IL1RAPL2: variants seen among roughly 807,000 people sequenced by gnomAD.
IL1RAPL2 encodes X-linked interleukin-1 receptor accessory protein-like 2.
Under a neutral mutation model 44.1 loss-of-function variants are expected in IL1RAPL2, and 3 were observed. The ratio of observed to expected loss-of-function variants is 0.07; its 90% CI spans 0.03 to 0.18. IL1RAPL2 has a LOEUF of 0.18. Among genes scored for constraint, IL1RAPL2 ranks in the 10% least tolerant of loss-of-function variants. IL1RAPL2 has a pLI of 1.00. For synonymous variants in IL1RAPL2, 181 were observed against 178.8 expected (o/e 1.01, Z -0.10); for missense variants, 391 against 496.4 (o/e 0.79, Z 2.02).
At chrX:105,219,265 G>A (rs781973121) in intron 3 of IL1RAPL2, 9 of 1,208,769 alleles carry the variant, frequency 7.4e-6, no homozygotes, top group South Asian at 3.5e-5. Context: ...GTCTGAGAAG[G>A]AGGAAAAAGG....
chrX:105,293,116 C>A (rs867015165), intron 5 of IL1RAPL2, among the ~76,000 whole-genome samples: 15 of 50,822 alleles, frequency 3.0e-4, no homozygotes, highest in African/African-American at 5.2e-4. Flanking sequence ...CGACTCTGTC[C>A]AAAAAAAAAA....
chrX:105,613,299 G>A (rs915660513), intron 6 of IL1RAPL2, among the ~76,000 whole-genome samples: 4 of 112,011 alleles, frequency 3.6e-5, no homozygotes, highest in African/African-American at 1.3e-4. Flanking sequence ...CTAAAAAGCC[G>A]TTAGGCCCTG....
chrX:104,634,291 G>A lies in IL1RAPL2; in HGVS notation c.-19-24604G>A, dbSNP rs189307547. 1.5e-3 allele frequency among the ~76,000 whole-genome samples: 169 copies of A among 111,617 alleles called. 1 individual carries two copies. Among genetic ancestry groups the A allele is most frequent in the Non-Finnish European group, 2.6e-3 (138 of 53,142 alleles). On this transcript the variant is annotated intron_variant, in intron 1 of 10. Transcript: ENST00000372582. Reference sequence around the variant, plus strand: ...GTGTGGTCCATTTTGGAATAAGTGCGGTGTGGTGCTGAAAAGAATGTATAT... The same window carrying A: ...GTGTGGTCCATTTTGGAATAAGTGCAGTGTGGTGCTGAAAAGAATGTATAT...
intron 5 of IL1RAPL2, among the ~76,000 whole-genome samples, chrX:105,448,956 T>C (rs1057039958): frequency 9.0e-6 from 1 of 111,695 alleles, no homozygotes; most frequent in Non-Finnish European, 1.9e-5. Context: ...CTTATCTGTG[T>C]TATATTTAAT....
chrX:105,005,537 G>A (rs1222903986), intron 2 of IL1RAPL2, among the ~76,000 whole-genome samples: 3 of 110,958 alleles, frequency 2.7e-5, no homozygotes, highest in Admixed American at 1.9e-4. Flanking sequence ...ATTGCATTAA[G>A]GATTAGGCAC....
At chrX:105,198,623 T>C (rs1226546810) in intron 3 of IL1RAPL2, among the ~76,000 whole-genome samples, 4 of 112,064 alleles carry the variant, frequency 3.6e-5, no homozygotes, top group African/African-American at 1.3e-4. Context: ...ATTTCTTCAG[T>C]TTTTCCTTAA....
chrX:105,576,186 T>C (rs1386332754), intron 6 of IL1RAPL2, among the ~76,000 whole-genome samples: 3 of 111,672 alleles, frequency 2.7e-5, no homozygotes, highest in African/African-American at 9.8e-5. Flanking sequence ...CAGTTTTTGC[T>C]TTTGTTGCAA....
intron 2 of IL1RAPL2, among the ~76,000 whole-genome samples, chrX:104,938,760 T>C (rs1054387576): frequency 6.3e-5 from 7 of 110,671 alleles, no homozygotes; most frequent in African/African-American, 2.3e-4. Context: ...ATTGGAGGCA[T>C]GGGAGCTGTT....
Position 104,941,033 on chromosome X carries a change from T to C in IL1RAPL2, c.83-254442T>C, listed in dbSNP as rs1206512035. ...CATGTCCCTACAAAGGACATGAACT[T>C]ATCCTTTTTTATGGCTGCATAGTAA... On this transcript the variant is annotated intron_variant, in intron 2 of 10. Coordinates refer to ENST00000372582, the MANE Select transcript of IL1RAPL2 (RefSeq NM_017416.2). 6.4e-5 allele frequency among the ~76,000 whole-genome samples: 7 copies of C among 110,014 alleles called. No individual in the cohort carries two copies. The Admixed American group carries it at 6.8e-4, about 11-fold the overall frequency.
chrX:105,595,160 A>C (rs1010204600), intron 6 of IL1RAPL2, among the ~76,000 whole-genome samples: 8 of 112,024 alleles, frequency 7.1e-5, no homozygotes, highest in Non-Finnish European at 1.3e-4. Context: ...GATCACTGAA[A>C]ACTTCAAATT....
At chrX:105,449,228 A>G (rs2035999446) in intron 5 of IL1RAPL2, among the ~76,000 whole-genome samples, 1 of 111,175 alleles carries the variant, frequency 9.0e-6, no homozygotes, top group African/African-American at 3.3e-5. Flanking sequence ...CTGGGCCCCA[A>G]GCTCAATGGC....
intron 1 of IL1RAPL2, among the ~76,000 whole-genome samples, chrX:104,587,702 A>G (rs1489120041): frequency 8.9e-6 from 1 of 112,342 alleles, no homozygotes; most frequent in African/African-American, 3.2e-5. Context: ...TTCTTTTTCA[A>G]TCATAGTAAT....
At chrX:104,863,973 G>T (rs1922553409) in intron 2 of IL1RAPL2, among the ~76,000 whole-genome samples, 1 of 111,823 alleles carries the variant, frequency 8.9e-6, no homozygotes, top group South Asian at 3.8e-4. Context: ...AATATTGAAA[G>T]CCATTGTTCA....
chrX:104,632,643 T>A (rs1929678393), intron 1 of IL1RAPL2, among the ~76,000 whole-genome samples: 1 of 107,461 alleles, frequency 9.3e-6, no homozygotes, highest in South Asian at 4.3e-4. Context: ...GCTCTCTGTT[T>A]GTCTGTTATT....
intron 2 of IL1RAPL2, among the ~76,000 whole-genome samples, chrX:104,879,365 TAAAA>T (rs753494292): frequency 6.4e-5 from 2 of 31,055 alleles, no homozygotes; most frequent in African/African-American, 3.7e-4. Flanking sequence ...GCAAAACTAG[TAAAA>T]AAAAAAAAAA....
At chrX:104,848,862 T>C (rs914514487) in intron 2 of IL1RAPL2, among the ~76,000 whole-genome samples, 3 of 110,874 alleles carry the variant, frequency 2.7e-5, no homozygotes, top group Admixed American at 9.6e-5. Context: ...AACAAACTTA[T>C]GGTTAGTAAT....
At chrX:104,687,088 A>C (rs1483084598) in intron 2 of IL1RAPL2, among the ~76,000 whole-genome samples, 1 of 112,401 alleles carries the variant, frequency 8.9e-6, no homozygotes, top group Non-Finnish European at 1.9e-5. Flanking sequence ...TCTCTACTAT[A>C]GGATTTACCA....
At chrX:105,703,281 G>GCTCC (rs2038135419) in intron 6 of IL1RAPL2, among the ~76,000 whole-genome samples, 1 of 110,987 alleles carries the variant, frequency 9.0e-6, no homozygotes, top group Non-Finnish European at 1.9e-5. Context: ...ATTACCAAAT[G>GCTCC]CTCCCTCTGG....
At chrX:105,186,947 T>C (rs1477411481) in intron 2 of IL1RAPL2, among the ~76,000 whole-genome samples, 1 of 111,807 alleles carries the variant, frequency 8.9e-6, no homozygotes, top group Non-Finnish European at 1.9e-5. Context: ...TGCCTCCCTA[T>C]TCAGCTTCCT....
Sources: gnomAD v4.1 joint callset for allele counts (sites outside exome capture counted in the v4.1 genomes callset) on GRCh38, gnomAD v4.1.1 for gene constraint, MANE v1.5 for transcripts, NCBI Gene and HGNC (gene_info 2026-07-23, HGNC 2026-07-21) for gene names.